Variants in FLNB observed in about 807,000 individuals in gnomAD.
FLNB encodes filamin-B.
A neutral mutation model predicts 250.6 loss-of-function variants in FLNB; 111 were observed. The observed-to-expected ratio is 0.44, with a 90% CI of 0.38 to 0.52. The LOEUF (loss-of-function observed/expected upper bound fraction) is 0.52. FLNB is among the 20% of genes least tolerant of loss of function. The probability of loss-of-function intolerance (pLI) is 0.00; values close to 1 mark genes in which losing one functional copy is unlikely to be tolerated. For synonymous variants in FLNB, 1,302 were observed against 1,372.1 expected (o/e 0.95, Z 1.13); for missense variants, 2,869 against 3,447.8 (o/e 0.83, Z 4.20).
chr3:58,141,446 A>C (rs1188804840), intron 29 of FLNB, among the ~76,000 whole-genome samples: 1 of 152,114 alleles, frequency 6.6e-6, no homozygotes, highest in Non-Finnish European at 1.5e-5. Context: ...TGTCATAGGT[A>C]CCCTTACATA....
At chr3:58,063,741 T>C (rs1394777546) in intron 1 of FLNB, among the ~76,000 whole-genome samples, 1 of 152,168 alleles carries the variant, frequency 6.6e-6, no homozygotes, top group Non-Finnish European at 1.5e-5. Context: ...CTAATATGAG[T>C]TGTAACTTGA....
intron 2 of FLNB, among the ~76,000 whole-genome samples, chr3:58,078,021 C>T (rs1444363404): frequency 6.6e-6 from 1 of 152,064 alleles, no homozygotes; most frequent in East Asian, 1.9e-4. Context: ...TCTGTATTTA[C>T]TGGGCACATT....
chr3:58,027,766 CTTAATA>C (rs2097125500), intron 1 of FLNB, among the ~76,000 whole-genome samples: 1 of 152,206 alleles, frequency 6.6e-6, no homozygotes, highest in African/African-American at 2.4e-5. Flanking sequence ...TCATTTTTCA[CTTAATA>C]TTATTTTCCC....
chr3:58,067,863 C>T (rs1432807083), intron 1 of FLNB, among the ~76,000 whole-genome samples: 1 of 152,140 alleles, frequency 6.6e-6, no homozygotes, highest in Non-Finnish European at 1.5e-5. Context: ...GCGTGAGCCA[C>T]CACGCCTGGC....
chr3:58,133,057 ATCAG>A, intron 26 of FLNB, 126 bp downstream of exon 26: 1 of 1,068,104 alleles, frequency 9.4e-7, no homozygotes, highest in Non-Finnish European at 1.4e-6. Context: ...CCATTCCTCC[ATCAG>A]TCCATCCATC....
chr3:58,014,475 A>ACGG (rs1328224177), intron 1 of FLNB, among the ~76,000 whole-genome samples: 1 of 152,224 alleles, frequency 6.6e-6, no homozygotes, highest in Non-Finnish European at 1.5e-5. Flanking sequence ...TCTCCCAGCA[A>ACGG]CGGCGGAGCC....
At position 58,094,845 on chromosome 3, in the gene FLNB, C is replaced by A. The variant is rs757322226; in HGVS notation, c.797C>A (p.Pro266His). The change falls in exon 5 of 46, where the codon CCC becomes CAC. Residue 266 changes from proline to histidine, a missense_variant. This residue lies in a region of FLNB where 308 missense variants were observed against 466.1 expected (regional missense o/e 0.66). Transcript: ENST00000295956. ...KARAYGRGIE[P>H]TGNMVKQPAK... ...TGTAAACCTGTGGCAGGAATCGAGC[C>A]CACTGGAAACATGGTGAAGCAGCCA... The A allele has an allele frequency of 6.2e-7, 1 of 1,613,996 alleles. No individual in the cohort carries two copies. Among genetic ancestry groups the A allele is most frequent in the Non-Finnish European group, 8.5e-7 (1 of 1,179,898 alleles).
intron 1 of FLNB, among the ~76,000 whole-genome samples, chr3:58,040,580 C>T (rs1164573744): frequency 2.6e-5 from 4 of 152,146 alleles, no homozygotes; most frequent in Non-Finnish European, 5.9e-5. Flanking sequence ...CTGCAACCTC[C>T]GTCTCACTGG....
intron 4 of FLNB, among the ~76,000 whole-genome samples, chr3:58,093,656 CA>C (rs2097232281): frequency 7.2e-6 from 1 of 138,690 alleles, no homozygotes; most frequent in Non-Finnish European, 1.5e-5. Context: ...CACACACACA[CA>C]CACCCCTATG....
chr3:58,142,809 A>G lies in FLNB; in HGVS notation c.5284+57A>G. ...TCACTTGCTCTCACGAGCTTCCCAGAATGGTGCTGGGGAGGTGTGTCCACT... is the reference window on the plus strand; with the variant it reads ...TCACTTGCTCTCACGAGCTTCCCAGGATGGTGCTGGGGAGGTGTGTCCACT... On this transcript the variant is annotated intron_variant, in intron 31 of 45. Transcript: ENST00000295956. This position sits in a 1 kb window ranked among gnomAD's most constrained non-coding sequence, Gnocchi z 4.3. 6.8e-7 allele frequency: 1 copy of G among 1,469,858 alleles called. No individual in the cohort carries two copies. Among genetic ancestry groups the G allele is most frequent in the East Asian group, 2.3e-5 (1 of 44,236 alleles). The allele number at this position is 1,469,858 out of a possible 1,614,324, so 91.1% of individuals were successfully genotyped here.
chr3:58,119,358 C>G (rs1235384239), intron 19 of FLNB, among the ~76,000 whole-genome samples: 1 of 152,238 alleles, frequency 6.6e-6, no homozygotes, highest in Admixed American at 6.5e-5. Context: ...GGCTATGTTG[C>G]TTTCTGATGA....
intron 7 of FLNB, 27 bp downstream of exon 7, chr3:58,098,004 G>T (rs1428003720): frequency 6.2e-7 from 1 of 1,612,774 alleles, no homozygotes; most frequent in African/African-American, 1.3e-5. Context: ...CCATGGATCT[G>T]ACCTTTGCGC....
Position 58,008,501 on chromosome 3 carries a change from C to T in FLNB, c.-64C>T. 1 of 1,532,248 alleles carries T rather than the reference C, an allele frequency of 6.5e-7. No individual in the cohort carries two copies. The highest frequency in any genetic ancestry group is 8.8e-7 in the Non-Finnish European group (1 of 1,130,916). 94.9% of individuals were successfully genotyped at this position (1,532,248 alleles called of 1,614,324 possible). ...CCGCTTCGGTTCTCGCTCCTTCGGC[C>T]CTTGGGCCTCCAAACACCAGTCCCC... On this transcript the variant is annotated 5_prime_UTR_variant, in exon 1 of 46. Transcript: ENST00000295956.
chr3:58,023,778 G>A (rs2097118414), intron 1 of FLNB, among the ~76,000 whole-genome samples: 1 of 152,172 alleles, frequency 6.6e-6, no homozygotes, highest in Non-Finnish European at 1.5e-5. Flanking sequence ...GTCAACCACG[G>A]CATGGAGGTG....
chr3:58,132,436 G>A (rs1244641083), intron 25 of FLNB: 17 of 410,056 alleles, frequency 4.1e-5, no homozygotes, highest in East Asian at 2.3e-4. Flanking sequence ...TGTCTCAGCT[G>A]TAGAGTAAAA....
At chr3:58,074,211 A>G (rs980902004) in intron 1 of FLNB, among the ~76,000 whole-genome samples, 4 of 152,248 alleles carry the variant, frequency 2.6e-5, no homozygotes, top group Admixed American at 6.5e-5. Context: ...TGGAAATTCA[A>G]ATTCTCCTGT....
intron 1 of FLNB, among the ~76,000 whole-genome samples, chr3:58,013,217 G>A (rs1411518119): frequency 6.6e-6 from 1 of 152,208 alleles, no homozygotes; most frequent in African/African-American, 2.4e-5. Flanking sequence ...AGAAGTTTGG[G>A]TGGTGTGTTT....
chr3:58,015,657 T>C (rs2097104761), intron 1 of FLNB, among the ~76,000 whole-genome samples: 1 of 152,130 alleles, frequency 6.6e-6, no homozygotes, highest in Admixed American at 6.6e-5. Context: ...GCTCATCACC[T>C]GGGGACTTTG....
At chr3:58,043,669 A>G (rs571152722) in intron 1 of FLNB, among the ~76,000 whole-genome samples, 1 of 152,024 alleles carries the variant, frequency 6.6e-6, no homozygotes, top group Admixed American at 6.6e-5. Flanking sequence ...CTGGACCTTT[A>G]TGCCTCCCAG....
Sources: gnomAD v4.1 joint callset for allele counts (sites outside exome capture counted in the v4.1 genomes callset) on GRCh38, gnomAD v4.1.1 for gene constraint, gnomAD v4.1.1 regional missense constraint, Gnocchi (gnomAD v3.1) non-coding constraint, MANE v1.5 for transcripts, NCBI Gene and HGNC (gene_info 2026-07-23, HGNC 2026-07-21) for gene names.